The following ADCY10 variants were observed in gnomAD, a reference collection of about 807,000 sequenced individuals.
ADCY10 encodes adenylate cyclase type 10.
A neutral mutation model predicts 183.3 loss-of-function variants in ADCY10; 156 were observed. The ratio of observed to expected loss-of-function variants is 0.85; its 90% CI spans 0.75 to 0.97. The LOEUF (loss-of-function observed/expected upper bound fraction) is 0.97. ADCY10 is among the 50% of genes least tolerant of loss of function. The pLI, the probability that ADCY10 is intolerant of heterozygous loss-of-function variation, is 0.00. For missense variants in ADCY10, 1,745 were observed against 1,934.3 expected, an observed-to-expected ratio of 0.90 and a Z score of 1.84; for synonymous variants, 645 against 670.0, an observed-to-expected ratio of 0.96 and a Z score of 0.58.
chr1:167,833,827 G>A (rs774845169), intron 24 of ADCY10, 143 bp downstream of exon 24: 12 of 685,770 alleles, frequency 1.7e-5, no homozygotes, highest in Non-Finnish European at 2.6e-5. Context: ...TTGGAGCCCA[G>A]GGATTTGAGT....
At chr1:167,833,894 A>C in intron 24 of ADCY10, 76 bp downstream of exon 24, 1 of 1,152,342 alleles carries the variant, frequency 8.7e-7, no homozygotes, top group Non-Finnish European at 1.3e-6. Context: ...TGTAGAAAGT[A>C]TAGGGATGAC....
At chr1:167,853,830 C>CT (rs538462140) in intron 18 of ADCY10, among the ~76,000 whole-genome samples, 3,520 of 77,120 alleles carry the variant, frequency 0.046, 664 homozygotes, top group East Asian at 0.15. Flanking sequence ...ACTATAGTTA[C>CT]TTTTTTTTTT....
intron 21 of ADCY10, among the ~76,000 whole-genome samples, chr1:167,838,668 A>G (rs1284336370): frequency 1.3e-5 from 2 of 152,316 alleles, no homozygotes; most frequent in East Asian, 3.9e-4. Context: ...AATTACATTC[A>G]TATGCTAATG....
Position 167,824,848 on chromosome 1 carries a change from T to C in ADCY10, c.3758A>G (p.Lys1253Arg), listed in dbSNP as rs1176322270. 6.2e-7 allele frequency: 1 copy of C among 1,614,248 alleles called. No homozygotes were observed. Among genetic ancestry groups the C allele is most frequent in the East Asian group, 2.2e-5 (1 of 44,890 alleles). Reference sequence around the variant, plus strand: ...GTATAGCGAATAGTCTAGGTAAGCCTTAATGATCTGAAATGGCAGAGTGGA... The same window carrying C: ...GTATAGCGAATAGTCTAGGTAAGCCCTAATGATCTGAAATGGCAGAGTGGA... ...LETQNCFQIIKAYLDYSLYHH... is the reference protein window; with the variant it reads ...LETQNCFQIIRAYLDYSLYHH... Residue 1253 changes from lysine (K) to arginine (R), a missense_variant, in exon 27 of 33, where the codon AAG (lysine) becomes AGG (arginine). By Grantham distance (26) the Lys-to-Arg change is conservative. Transcript: ENST00000367851.
intron 31 of ADCY10, among the ~76,000 whole-genome samples, chr1:167,813,804 A>T (rs951916391): frequency 6.6e-6 from 1 of 152,188 alleles, no homozygotes; most frequent in Admixed American, 6.5e-5. Flanking sequence ...ATTTAAAATA[A>T]TTATTCATTT....
intron 13 of ADCY10, among the ~76,000 whole-genome samples, chr1:167,873,768 T>G (rs751268086): frequency 1.4e-4 from 21 of 152,074 alleles, no homozygotes; most frequent in Non-Finnish European, 2.2e-4. Context: ...TAGAAAAATA[T>G]CTCCATGATT....
intron 19 of ADCY10, among the ~76,000 whole-genome samples, chr1:167,846,810 AATATCGGTAGCTC>A (rs67701928): frequency 0.18 from 27,472 of 151,892 alleles, 2,784 homozygotes; most frequent in East Asian, 0.41. Flanking sequence ...TCTAAGCTTG[AATATCGGTAGCTC>A]ATGTGACTTT....
intron 25 of ADCY10, 81 bp downstream of exon 25, chr1:167,832,906 T>G: frequency 4.1e-6 from 6 of 1,468,798 alleles, no homozygotes; most frequent in African/African-American, 1.4e-5. Context: ...AGGCCAGGCT[T>G]TGGGGGCTGA....
At chr1:167,909,583 C>A (rs60886066) in intron 1 of ADCY10, among the ~76,000 whole-genome samples, 17,195 of 151,912 alleles carry the variant, frequency 0.11, 1,146 homozygotes, top group African/African-American at 0.18. Flanking sequence ...CATCAGCTAT[C>A]ATTATTGTTA....
intron 26 of ADCY10, among the ~76,000 whole-genome samples, chr1:167,825,535 C>G (rs1338515661): frequency 1.3e-5 from 2 of 152,106 alleles, no homozygotes; most frequent in Non-Finnish European, 2.9e-5. Context: ...GTAGTCCTAC[C>G]TACTCAGGAG....
At chr1:167,849,758 G>C (rs1213256518) in intron 18 of ADCY10, among the ~76,000 whole-genome samples, 1 of 152,168 alleles carries the variant, frequency 6.6e-6, no homozygotes, top group Non-Finnish European at 1.5e-5. Context: ...AATCAGACTT[G>C]GTGGATTCAG....
intron 8 of ADCY10, among the ~76,000 whole-genome samples, chr1:167,885,640 G>A (rs570331283): frequency 6.8e-4 from 103 of 151,088 alleles, no homozygotes; most frequent in Non-Finnish European, 1.2e-3. Context: ...TTTTTGAGAC[G>A]GAGTCTCACT....
Position 167,875,134 on chromosome 1 carries a change from G to A in ADCY10, c.1459C>T (p.Leu487=). 6.2e-7 allele frequency: 1 copy of A among 1,613,762 alleles called. No individual in the cohort carries two copies. Among genetic ancestry groups the A allele is most frequent in the Non-Finnish European group, 8.5e-7 (1 of 1,179,664 alleles). ...AAAATCAAGGCCTACTACCTACCCA[G>A]CAAAGGGTAATCCTCCTTTCTGTTG... ...ICNRKEDYPL[L]GRNKEINYFM... is the part of the protein sequence containing the mutation. The change falls in exon 13 of 33, where the codon CTG becomes TTG. Residue 487 remains leucine (L), a synonymous_variant. Transcript: ENST00000367851.
intron 7 of ADCY10, 147 bp from the exon 8 acceptor site, chr1:167,894,088 TG>T (rs1668793845): frequency 2.9e-6 from 2 of 684,068 alleles, no homozygotes; most frequent in Non-Finnish European, 5.4e-6. Flanking sequence ...ACCTAGGGGC[TG>T]AAAGGGCCAG....
At chr1:167,863,370 C>T (rs1329905855) in intron 14 of ADCY10, among the ~76,000 whole-genome samples, 1 of 152,188 alleles carries the variant, frequency 6.6e-6, no homozygotes, top group South Asian at 2.1e-4. Flanking sequence ...GCCCCTGTCA[C>T]GTACCCCCTG....
In ADCY10 at chr1:167,809,661, C is replaced by A. The variant is rs377762633; in HGVS notation, c.*17G>T. 6.8e-6 allele frequency: 11 copies of A among 1,613,614 alleles called. No homozygotes were observed. The African/African-American group carries it at 1.3e-4, about 20-fold the overall frequency. ...ACAAGGACATAGTGCTTATTAAAATCTTTTTTCTTTGACATGTTAGAAATG... is the reference window on the plus strand; with the variant it reads ...ACAAGGACATAGTGCTTATTAAAATATTTTTTCTTTGACATGTTAGAAATG... On this transcript the variant is annotated 3_prime_UTR_variant, in exon 33 of 33. Transcript: ENST00000367851.
At chr1:167,862,130 G>A (rs935290619) in intron 14 of ADCY10, among the ~76,000 whole-genome samples, 2 of 152,200 alleles carry the variant, frequency 1.3e-5, no homozygotes, top group Admixed American at 6.5e-5. Flanking sequence ...TTCTGTGAGA[G>A]CTCCTTGAGG....
intron 22 of ADCY10, 135 bp downstream of exon 22, chr1:167,837,114 A>G (rs1222314882): frequency 1.3e-6 from 1 of 756,032 alleles, no homozygotes; most frequent in South Asian, 1.4e-5. Context: ...TAAACTCACC[A>G]TGCATACCCC....
chr1:167,899,431 C>T lies in ADCY10; in HGVS notation c.634G>A (p.Ala212Thr), dbSNP rs746535810. Residue 212 changes from alanine to threonine, a missense_variant, in exon 6 of 33, where the codon GCA (alanine) becomes ACA (threonine). Ala to Thr is a moderately conservative substitution (Grantham distance 58). Transcript: ENST00000367851. ...AGCAGCATCACACCCACCTTAACTG[C>T]TCTCTGATCTGGAACACTCTCAATT... ...IEIESVPDQR[A>T]VKVNFLKPPP... The T allele has an allele frequency of 1.9e-6, 3 of 1,614,238 alleles. No individual in the cohort carries two copies. The highest frequency in any genetic ancestry group is 1.1e-5 in the South Asian group (1 of 91,092).
Sources: gnomAD v4.1 joint callset for allele counts (sites outside exome capture counted in the v4.1 genomes callset) on GRCh38, gnomAD v4.1.1 for gene constraint, MANE v1.5 for transcripts, NCBI Gene and HGNC (gene_info 2026-07-23, HGNC 2026-07-21) for gene names.